The following CSMD1 variants were observed in gnomAD, a reference collection of about 807,000 sequenced individuals.
The protein encoded by CSMD1 is CUB and sushi domain-containing protein 1.
CSMD1 carries 213 observed loss-of-function variants against 417.5 expected under a neutral mutation model. That is an observed-to-expected ratio of 0.51 (90% CI 0.46 to 0.57). The LOEUF is 0.57. CSMD1 is among the 20% of genes least tolerant of loss of function. CSMD1 has a pLI of 0.00. For missense variants in CSMD1, 6,923 were observed against 4,529.7 expected (o/e 1.53, Z -15.17); for synonymous variants, 2,862 against 1,736.8 (o/e 1.65, Z -16.11).
At chr8:3,158,997 C>A (rs1563096289) in intron 38 of CSMD1, among the ~76,000 whole-genome samples, 1 of 152,178 alleles carries the variant, frequency 6.6e-6, no homozygotes, top group Non-Finnish European at 1.5e-5. Context: ...CTAACTTTCT[C>A]ATACCTCTTG....
rs1392172458 is a variant in CSMD1, at chr8:3,511,822, CAATA to C, written c.1345-18100_1345-18097del. ...CATAACATAACATAACATAACATAA[CAATA>C]AATAAAATAAAATAAAAATATAATA... On this transcript the variant is annotated intron_variant, in intron 10 of 69. Coordinates refer to ENST00000635120, the MANE Select transcript of CSMD1 (RefSeq NM_033225.6). Among the ~76,000 whole-genome samples the C allele has an allele frequency of 4.4e-5, 6 of 137,380 alleles. No homozygotes were observed. The South Asian group carries it at 7.1e-4, about 16-fold the overall frequency. The allele number at this position is 137,380 out of a possible 152,430, so 90.1% of individuals were successfully genotyped here. A position where few individuals can be genotyped will look rare whatever the true frequency, so the allele number is the denominator to read the frequency against.
chr8:4,568,079 A>C (rs1798699878), intron 2 of CSMD1, among the ~76,000 whole-genome samples: 1 of 152,218 alleles, frequency 6.6e-6, no homozygotes, highest in Admixed American at 6.5e-5. Context: ...TGCTTGGTTA[A>C]TGCAAGAATA....
intron 26 of CSMD1, among the ~76,000 whole-genome samples, chr8:3,269,082 C>T (rs948692862): frequency 6.6e-6 from 1 of 152,210 alleles, no homozygotes; most frequent in East Asian, 1.9e-4. Context: ...AGCTAAAATC[C>T]TGTCATCCCC....
At chr8:3,813,048 T>A (rs886547327) in intron 5 of CSMD1, among the ~76,000 whole-genome samples, 8 of 152,036 alleles carry the variant, frequency 5.3e-5, no homozygotes, top group Non-Finnish European at 1.5e-5. Flanking sequence ...AAATTGAGTG[T>A]TGTATAAAGG....
At chr8:3,931,973 A>C (rs1354499543) in intron 5 of CSMD1, among the ~76,000 whole-genome samples, 1 of 149,976 alleles carries the variant, frequency 6.7e-6, no homozygotes, top group Non-Finnish European at 1.5e-5. Context: ...AAAAAATTAA[A>C]ATAGTATTGA....
chr8:4,406,065 AT>A lies in CSMD1; in HGVS notation c.415+13887del, dbSNP rs1364721961. On this transcript the variant is annotated intron_variant, in intron 3 of 69. Coordinates refer to ENST00000635120, the MANE Select transcript of CSMD1 (RefSeq NM_033225.6). ...TGCTGGAAACAATGCCAGCAACTTT[AT>A]TTTTGGTCTATTAGTAAAATGACAG... 5.3e-5 allele frequency among the ~76,000 whole-genome samples: 8 copies of A among 152,278 alleles called. No homozygotes were observed. The East Asian group carries it at 1.5e-3, about 29-fold the overall frequency.
At chr8:4,045,485 C>T (rs916832394) in intron 3 of CSMD1, among the ~76,000 whole-genome samples, 1 of 152,176 alleles carries the variant, frequency 6.6e-6, no homozygotes, top group Non-Finnish European at 1.5e-5. Flanking sequence ...AGAACACTGT[C>T]CCCAGTTGGG....
chr8:4,764,872 C>CAAAAAAAAAAAAAAAAAAAAAAAAA (rs1194894751), intron 1 of CSMD1, among the ~76,000 whole-genome samples: 1 of 50,938 alleles, frequency 2.0e-5, no homozygotes, highest in African/African-American at 8.2e-5. Flanking sequence ...GACTCCATCT[C>CAAAAAAAAAAAAAAAAAAAAAAAAA]AAAAAAAAAA....
intron 3 of CSMD1, among the ~76,000 whole-genome samples, chr8:4,248,436 C>G (rs573395059): frequency 9.0e-4 from 137 of 152,278 alleles, no homozygotes; most frequent in South Asian, 4.1e-3. Context: ...TCCACTTGAA[C>G]ATAAGATCCT....
intron 41 of CSMD1, among the ~76,000 whole-genome samples, chr8:3,119,844 C>A (rs1357576612): frequency 2.0e-5 from 3 of 152,160 alleles, no homozygotes; most frequent in Non-Finnish European, 2.9e-5. Context: ...TCTGCTGAAA[C>A]CAACCCTCAG....
At chr8:3,501,883 C>A (rs1042803390) in intron 10 of CSMD1, among the ~76,000 whole-genome samples, 54 of 152,150 alleles carry the variant, frequency 3.5e-4, no homozygotes, top group African/African-American at 1.2e-3. Context: ...GATAAGGAGA[C>A]AAACTGACCA....
chr8:3,535,081 G>A (rs1343451779), intron 10 of CSMD1, among the ~76,000 whole-genome samples: 3 of 152,092 alleles, frequency 2.0e-5, no homozygotes, highest in Non-Finnish European at 4.4e-5. Context: ...CTGAGTAGTT[G>A]GGACTACAGG....
intron 1 of CSMD1, among the ~76,000 whole-genome samples, chr8:4,789,744 A>G (rs1797593944): frequency 6.6e-6 from 1 of 152,158 alleles, no homozygotes; most frequent in Non-Finnish European, 1.5e-5. Flanking sequence ...TGCTCCCAAC[A>G]TAGTTCATGT....
chr8:3,305,213 TAGATTTTCA>T (rs1268868323), intron 25 of CSMD1, among the ~76,000 whole-genome samples: 27 of 152,298 alleles, frequency 1.8e-4, no homozygotes, highest in African/African-American at 5.5e-4. Flanking sequence ...CATGCCTTCA[TAGATTTTCA>T]TGAGGAATAT....
chr8:4,329,869 CA>C, intron 3 of CSMD1, among the ~76,000 whole-genome samples: 1 of 141,126 alleles, frequency 7.1e-6, no homozygotes, highest in East Asian at 2.0e-4. Flanking sequence ...CACACACACA[CA>C]CACAGACACA....
rs530793092 is a variant in CSMD1, at chr8:2,938,713, C to T, written c.10567G>A (p.Ala3523Thr). 12 of 1,611,078 alleles carry T rather than the reference C, an allele frequency of 7.4e-6. No homozygotes were observed. The South Asian group carries it at 1.1e-4, about 15-fold the overall frequency. Reference sequence around the variant, plus strand: ...TGTCCATTGCTGTTTTCATGCCCAGCATAGCCATTGTATTGAACTTTTGGT... The same window carrying T: ...TGTCCATTGCTGTTTTCATGCCCAGTATAGCCATTGTATTGAACTTTTGGT... ...TRPKVQYNGY[A>T]GHENSNGQAS... Residue 3523 changes from alanine to threonine, a missense_variant, in exon 70 of 70, where the codon GCT (alanine) becomes ACT (threonine). Ala to Thr is a moderately conservative substitution (Grantham distance 58). Transcript: ENST00000635120.
At chr8:3,979,050 T>C (rs577797055) in intron 5 of CSMD1, among the ~76,000 whole-genome samples, 4 of 152,296 alleles carry the variant, frequency 2.6e-5, no homozygotes, top group African/African-American at 9.6e-5. Flanking sequence ...CACAAGAAGT[T>C]TCCTCCTTTC....
chr8:2,998,076 T>C lies in CSMD1; in HGVS notation c.8312A>G (p.Gln2771Arg), dbSNP rs1367037265. The change falls in exon 54 of 70, where the codon CAG becomes CGG. Residue 2771 changes from glutamine to arginine, a missense_variant. Coordinates refer to ENST00000635120, the MANE Select transcript of CSMD1 (RefSeq NM_033225.6). ...NFTCNTGYLL[Q>R]GVSRAQCRSN... ...CCGACACTGGGCTCGAGACACGCCC[T>C]GCAGCAAATAGCCCGTGTTGCAGGT... The C allele has an allele frequency of 6.2e-7, 1 of 1,613,894 alleles. No individual in the cohort carries two copies. Among genetic ancestry groups the C allele is most frequent in the Non-Finnish European group, 8.5e-7 (1 of 1,179,884 alleles).
intron 51 of CSMD1, among the ~76,000 whole-genome samples, chr8:3,021,866 C>CGCAATCCCACAGCGTCCGGAATGCACCT (rs1809437073): frequency 8.1e-6 from 1 of 123,246 alleles, no homozygotes; most frequent in Non-Finnish European, 1.7e-5. Flanking sequence ...GGAATGCACC[C>CGCAATCCCACAGCGTCCGGAATGCACCT]GCAATCCCAC....
Sources: gnomAD v4.1 joint callset for allele counts (sites outside exome capture counted in the v4.1 genomes callset) on GRCh38, gnomAD v4.1.1 for gene constraint, MANE v1.5 for transcripts, NCBI Gene and HGNC (gene_info 2026-07-23, HGNC 2026-07-21) for gene names.